ZBED4: variants seen among roughly 807,000 people sequenced by gnomAD.
ZBED4 encodes zinc finger BED-type containing 4, also known as zinc finger BED domain-containing protein 4.
In ZBED4, 4 loss-of-function variants were observed where a neutral mutation model predicts 15.5. The ratio of observed to expected loss-of-function variants is 0.26; its 90% CI spans 0.13 to 0.59. The LOEUF (loss-of-function observed/expected upper bound fraction) is 0.59, where lower values mean the gene tolerates loss of function less well. Ranked by LOEUF, ZBED4 falls within the 20% of genes least tolerant of loss-of-function variation. The pLI, the probability that ZBED4 is intolerant of heterozygous loss-of-function variation, is 0.90. For synonymous variants in ZBED4, 692 were observed against 608.5 expected (o/e 1.14, Z -2.02); for missense variants, 1,323 against 1,461.8 (o/e 0.91, Z 1.55).
chr22:49,866,274 C>T (rs1231304525), intron 1 of ZBED4, among the ~76,000 whole-genome samples: 21 of 152,160 alleles, frequency 1.4e-4, no homozygotes, highest in Non-Finnish European at 4.4e-5. Flanking sequence ...TGTTCTCTTG[C>T]CCTGTCCCCT....
rs187727284 is a variant in ZBED4, at chr22:49,869,876, G to A, written c.-329-13458G>A. ...GCAGGTTCACGACATGGTATATTGCGTGATGCTGAGTTTGGGATAAGAATG... is the reference window on the plus strand; with the variant it reads ...GCAGGTTCACGACATGGTATATTGCATGATGCTGAGTTTGGGATAAGAATG... On this transcript the variant is annotated intron_variant, in intron 1 of 1. Coordinates refer to ENST00000216268, the MANE Select transcript of ZBED4 (RefSeq NM_014838.3). Among the ~76,000 whole-genome samples the A allele has an allele frequency of 7.9e-5, 12 of 152,264 alleles. No homozygotes were observed. In the East Asian group the frequency reaches 1.5e-3, roughly 20 times the overall value.
At position 49,885,891 on chromosome 22, in the gene ZBED4, C is replaced by T. The variant is rs141642408; in HGVS notation, c.2229C>T (p.Tyr743=). The stretch of plus-strand genomic sequence containing the variant: ...GGATGAGTAACCAGACCCGTGAGTA[C>T]CTGACCCTCACGGCCCACTGGGTTT... ...GIWMSNQTRE[Y]LTLTAHWVSF... is the part of the protein sequence containing the mutation. The change falls in exon 2 of 2, where the codon TAC becomes TAT. Residue 743 remains tyrosine, a synonymous_variant. Transcript: ENST00000216268. The T allele has an allele frequency of 5.3e-5, 60 of 1,139,658 alleles. No homozygotes were observed. The African/African-American group carries it at 7.2e-4, about 14-fold the overall frequency. The allele number at this position is 1,139,658 out of a possible 1,614,324, so 70.6% of individuals were successfully genotyped here. A position where few individuals can be genotyped will look rare whatever the true frequency, so the allele number is the denominator to read the frequency against.
rs2060268635 is a variant in ZBED4, at chr22:49,854,933, T to G, written c.-330+944T>G. On this transcript the variant is annotated intron_variant, in intron 1 of 1. Coordinates refer to ENST00000216268, the MANE Select transcript of ZBED4 (RefSeq NM_014838.3). ...GCGACTTTTTACACAGAAATGTTTT[T>G]TATTTTTTCTGTGTATGTCATTCAT... 2.6e-5 allele frequency among the ~76,000 whole-genome samples: 4 copies of G among 152,250 alleles called. No individual in the cohort carries two copies. The South Asian group carries it at 8.3e-4, about 31-fold the overall frequency.
At chr22:49,871,014 A>G (rs1449742916) in intron 1 of ZBED4, among the ~76,000 whole-genome samples, 2 of 149,748 alleles carry the variant, frequency 1.3e-5, no homozygotes, top group Non-Finnish European at 2.9e-5. Flanking sequence ...AATCTTGGCT[A>G]ACTGCAACCT....
At chr22:49,881,079 C>G (rs1376785116) in intron 1 of ZBED4, among the ~76,000 whole-genome samples, 1 of 152,234 alleles carries the variant, frequency 6.6e-6, no homozygotes, top group Non-Finnish European at 1.5e-5. Context: ...GGCGCAGTGG[C>G]TCAGGCCTGT....
At chr22:49,871,298 C>A (rs1046989691) in intron 1 of ZBED4, among the ~76,000 whole-genome samples, 1 of 151,850 alleles carries the variant, frequency 6.6e-6, no homozygotes, top group Non-Finnish European at 1.5e-5. Flanking sequence ...ACCAGCCTGG[C>A]CAATGTGGTG....
chr22:49,875,480 G>A lies in ZBED4; in HGVS notation c.-329-7854G>A, dbSNP rs375415565. Reference sequence around the variant, plus strand: ...CTGTCACCCAGGCTGGAGTACAGTGGCGCCATCTTGGCTCACTGCAGCCTC... The same window carrying A: ...CTGTCACCCAGGCTGGAGTACAGTGACGCCATCTTGGCTCACTGCAGCCTC... On this transcript the variant is annotated intron_variant, in intron 1 of 1. Coordinates refer to ENST00000216268, the MANE Select transcript of ZBED4 (RefSeq NM_014838.3). Among the ~76,000 whole-genome samples the A allele has an allele frequency of 4.0e-5, 6 of 149,954 alleles. No homozygotes were observed. The East Asian group carries it at 7.9e-4, about 20-fold the overall frequency.
chr22:49,889,019 A>G lies in ZBED4; in HGVS notation c.*1841A>G, dbSNP rs1346475581. ...GGTAATATCCTTAGAATTTTGGGAT[A>G]TTGAGCTTCATGGATTTTCTCTCCA... On this transcript the variant is annotated 3_prime_UTR_variant, in exon 2 of 2. Transcript: ENST00000216268. 6.0e-6 allele frequency: 1 copy of G among 167,260 alleles called. No homozygotes were observed. Among genetic ancestry groups the G allele is most frequent in the Non-Finnish European group, 1.5e-5 (1 of 68,120 alleles). The allele number at this position is 167,260 out of a possible 1,614,324, so 10.4% of individuals were successfully genotyped here. A position where few individuals can be genotyped will look rare whatever the true frequency, so the allele number is the denominator to read the frequency against.
chr22:49,869,517 A>G (rs1026284239), intron 1 of ZBED4, among the ~76,000 whole-genome samples: 2 of 152,184 alleles, frequency 1.3e-5, no homozygotes, highest in African/African-American at 2.4e-5. Flanking sequence ...TTTATTCCTC[A>G]GGGAATATTT....
chr22:49,859,583 C>T (rs879658830), intron 1 of ZBED4, among the ~76,000 whole-genome samples: 3 of 152,186 alleles, frequency 2.0e-5, no homozygotes, highest in Non-Finnish European at 4.4e-5. Context: ...CATCTGGACA[C>T]CGAGGTCCAG....
Position 49,884,018 on chromosome 22 carries a change from C to T in ZBED4, c.356C>T (p.Pro119Leu). The change falls in exon 2 of 2, where the codon CCA becomes CTA. Residue 119 changes from proline (P) to leucine (L), a missense_variant. Physicochemically the swap from Pro to Leu is moderately conservative, Grantham distance 98. Coordinates refer to ENST00000216268, the MANE Select transcript of ZBED4 (RefSeq NM_014838.3). ...AACATGAGCTCCAGGAAGAAGTCTC[C>T]AGCCTGGAAGCATTTTTTTATCTCT... ...SRNMSSRKKS[P>L]AWKHFFISPR... 3.1e-6 allele frequency: 5 copies of T among 1,608,888 alleles called. No individual in the cohort carries two copies. Among genetic ancestry groups the T allele is most frequent in the Non-Finnish European group, 4.2e-6 (5 of 1,178,356 alleles).
chr22:49,886,885 G>T lies in ZBED4; in HGVS notation c.3223G>T (p.Asp1075Tyr), dbSNP rs2060442915. Residue 1075 changes from aspartate to tyrosine, a missense_variant, in exon 2 of 2, where the codon GAC (aspartate) becomes TAC (tyrosine). By Grantham distance (160) the Asp-to-Tyr change is radical. Around this residue, in one of 6 missense-constraint regions of ZBED4, gnomAD observed 312 missense variants for 410.7 expected, o/e 0.76. Coordinates refer to ENST00000216268, the MANE Select transcript of ZBED4 (RefSeq NM_014838.3). The surrounding 1 kb of genome is among the most constrained non-coding windows in gnomAD (Gnocchi z 7.7). ...ACTTGTGGCCAAGGTGAAGAAGAAAGACCCAAGAGAAAAGCTGCCTGAAGC... is the reference window on the plus strand; with the variant it reads ...ACTTGTGGCCAAGGTGAAGAAGAAATACCCAAGAGAAAAGCTGCCTGAAGC... The part of the protein sequence containing the change: ...WSLVAKVKKK[D>Y]PREKLPEAMV... The T allele has an allele frequency of 6.2e-7, 1 of 1,614,096 alleles. No individual in the cohort carries two copies. Among genetic ancestry groups the T allele is most frequent in the Non-Finnish European group, 8.5e-7 (1 of 1,180,026 alleles).
chr22:49,859,096 C>T (rs889210634), intron 1 of ZBED4, among the ~76,000 whole-genome samples: 1 of 152,170 alleles, frequency 6.6e-6, no homozygotes, highest in Non-Finnish European at 1.5e-5. Context: ...ATCAGACCTC[C>T]ACATGCTGTT....
chr22:49,869,635 C>A (rs1351942243), intron 1 of ZBED4, among the ~76,000 whole-genome samples: 4 of 152,188 alleles, frequency 2.6e-5, no homozygotes, highest in Non-Finnish European at 4.4e-5. Context: ...AGCAGTGTAT[C>A]TCATTGGTTT....
intron 1 of ZBED4, among the ~76,000 whole-genome samples, chr22:49,878,285 G>A (rs886963997): frequency 7.5e-6 from 1 of 133,668 alleles, no homozygotes; most frequent in Non-Finnish European, 1.6e-5. Flanking sequence ...CTGGGTGACA[G>A]AGTGAGACAC....
chr22:49,863,255 G>T (rs1449347634), intron 1 of ZBED4, among the ~76,000 whole-genome samples: 5 of 151,966 alleles, frequency 3.3e-5, no homozygotes, highest in Admixed American at 2.6e-4. Context: ...GTGCTCCCGG[G>T]CTCAAGTGAT....
intron 1 of ZBED4, among the ~76,000 whole-genome samples, chr22:49,870,814 C>T (rs528824903): frequency 6.6e-6 from 1 of 152,220 alleles, no homozygotes; most frequent in Admixed American, 6.5e-5. Context: ...TTCAGCTATG[C>T]AGAGGCTCTT....
At chr22:49,878,236 C>T (rs1486092006) in intron 1 of ZBED4, among the ~76,000 whole-genome samples, 1 of 141,046 alleles carries the variant, frequency 7.1e-6, no homozygotes, top group Non-Finnish European at 1.5e-5. Context: ...ACCCGGGAGG[C>T]GGAGGTTACA....
At chr22:49,861,398 T>A (rs143215966) in intron 1 of ZBED4, among the ~76,000 whole-genome samples, 25 of 152,290 alleles carry the variant, frequency 1.6e-4, no homozygotes, top group African/African-American at 5.3e-4. Flanking sequence ...TGCCTCAGTC[T>A]CTCAAAGTGG....
Sources: gnomAD v4.1 joint callset for allele counts (sites outside exome capture counted in the v4.1 genomes callset) on GRCh38, gnomAD v4.1.1 for gene constraint, gnomAD v4.1.1 regional missense constraint, Gnocchi (gnomAD v3.1) non-coding constraint, MANE v1.5 for transcripts, NCBI Gene and HGNC (gene_info 2026-07-23, HGNC 2026-07-21) for gene names.